GLRA3: variants seen among roughly 807,000 people sequenced by gnomAD.
GLRA3 encodes the protein glycine receptor alpha 3, also known as glycine receptor subunit alpha-3.
A neutral mutation model predicts 60.4 loss-of-function variants in GLRA3; 44 were observed. That is an observed-to-expected ratio of 0.73 (90% CI 0.57 to 0.94). GLRA3 has a LOEUF of 0.94. Among genes scored for constraint, GLRA3 ranks in the 40% least tolerant of loss-of-function variants. The pLI is 0.00. For synonymous variants in GLRA3, 223 were observed against 192.9 expected (o/e 1.16, Z -1.29); for missense variants, 508 against 564.6 (o/e 0.90, Z 1.02).
intron 2 of GLRA3, among the ~76,000 whole-genome samples, chr4:174,774,762 T>C (rs1738526639): frequency 6.6e-6 from 1 of 152,208 alleles, no homozygotes; most frequent in Admixed American, 6.5e-5. Context: ...CTGAATACTT[T>C]TATAATAAAT....
intron 5 of GLRA3, among the ~76,000 whole-genome samples, chr4:174,683,374 G>A (rs946803627): frequency 2.0e-5 from 3 of 149,862 alleles, no homozygotes; most frequent in Non-Finnish European, 3.0e-5. Flanking sequence ...TTTTTGAGAC[G>A]GAGTCTCACT....
At chr4:174,807,329 C>G (rs1429716352) in intron 1 of GLRA3, among the ~76,000 whole-genome samples, 1 of 151,920 alleles carries the variant, frequency 6.6e-6, no homozygotes, top group African/African-American at 2.4e-5. Context: ...TATTTTCTTT[C>G]CCTTGCAGTG....
chr4:174,816,386 T>C (rs1430931948), intron 1 of GLRA3, among the ~76,000 whole-genome samples: 2 of 152,158 alleles, frequency 1.3e-5, no homozygotes, highest in East Asian at 1.9e-4. Flanking sequence ...TGCCCCAGAA[T>C]TCTAGCCATC....
chr4:174,687,900 T>A (rs994331964), intron 5 of GLRA3, among the ~76,000 whole-genome samples: 85 of 152,124 alleles, frequency 5.6e-4, no homozygotes, highest in African/African-American at 2.0e-3. Context: ...AGTTTTAATT[T>A]AAAAGAGTAG....
chr4:174,814,373 G>A lies in GLRA3; in HGVS notation c.71+14368C>T, dbSNP rs528259725. Among the ~76,000 whole-genome samples, 18 of 152,262 alleles carry A rather than the reference G, an allele frequency of 1.2e-4. No homozygotes were observed. In the East Asian group the frequency reaches 1.4e-3, roughly 11 times the overall value. ...CCCTGGAGTTTGGCCATCCCTGAGC[G>A]AAATTTTCTTCAAAGTTCCACTGTC... is the stretch of plus-strand genomic sequence containing the variant. On this transcript the variant is annotated intron_variant, in intron 1 of 9. Coordinates refer to ENST00000274093, the MANE Select transcript of GLRA3 (RefSeq NM_006529.4).
chr4:174,754,004 C>T (rs1250119825), intron 3 of GLRA3, among the ~76,000 whole-genome samples: 1 of 152,008 alleles, frequency 6.6e-6, no homozygotes, highest in East Asian at 1.9e-4. Context: ...TTCTCCTTGA[C>T]ATTTCCCTCC....
At chr4:174,679,727 G>A in intron 6 of GLRA3, among the ~76,000 whole-genome samples, 1 of 152,178 alleles carries the variant, frequency 6.6e-6, no homozygotes, top group African/African-American at 2.4e-5. Context: ...ATCATTTGTA[G>A]CAACATGGAT....
chr4:174,817,575 A>AT (rs1740559074), intron 1 of GLRA3, among the ~76,000 whole-genome samples: 1 of 152,186 alleles, frequency 6.6e-6, no homozygotes, highest in Non-Finnish European at 1.5e-5. Flanking sequence ...TGAATTTTAG[A>AT]AACAAAGATA....
chr4:174,800,718 A>G (rs771978698), intron 1 of GLRA3, among the ~76,000 whole-genome samples: 21 of 152,052 alleles, frequency 1.4e-4, no homozygotes, highest in Non-Finnish European at 2.9e-4. Context: ...CTCTCTGTAT[A>G]TAGACAGTGC....
chr4:174,738,342 A>G (rs1736882267), intron 3 of GLRA3, among the ~76,000 whole-genome samples: 1 of 152,242 alleles, frequency 6.6e-6, no homozygotes, highest in Admixed American at 6.5e-5. Context: ...GATATTTTCT[A>G]CTTGGGTAGA....
chr4:174,687,162 C>T (rs1162079076), intron 5 of GLRA3, among the ~76,000 whole-genome samples: 1 of 152,158 alleles, frequency 6.6e-6, no homozygotes, highest in Non-Finnish European at 1.5e-5. Flanking sequence ...CTAGGAGTTA[C>T]TGTATTTTTA....
chr4:174,811,599 T>C (rs1215527864), intron 1 of GLRA3, among the ~76,000 whole-genome samples: 4 of 152,208 alleles, frequency 2.6e-5, no homozygotes, highest in African/African-American at 9.6e-5. Context: ...TGGTTTTCAA[T>C]GTTGATATGT....
At chr4:174,740,897 GTTA>G (rs1031232343) in intron 3 of GLRA3, among the ~76,000 whole-genome samples, 12 of 152,152 alleles carry the variant, frequency 7.9e-5, no homozygotes, top group African/African-American at 2.9e-4. Context: ...CTTGACTTAA[GTTA>G]TTGTGTGTAT....
At chr4:174,678,840 AAAC>A (rs1734228610) in intron 6 of GLRA3, among the ~76,000 whole-genome samples, 1 of 152,234 alleles carries the variant, frequency 6.6e-6, no homozygotes, top group South Asian at 2.1e-4. Context: ...AAATGGAATA[AAAC>A]AAGAATAACT....
intron 1 of GLRA3, among the ~76,000 whole-genome samples, chr4:174,816,121 T>C (rs1027149819): frequency 1.3e-5 from 2 of 152,164 alleles, no homozygotes; most frequent in South Asian, 2.1e-4. Context: ...GTGTTTGTAG[T>C]TCTAATAAGC....
intron 7 of GLRA3, among the ~76,000 whole-genome samples, chr4:174,674,065 C>G (rs562899020): frequency 6.6e-6 from 1 of 152,310 alleles, no homozygotes; most frequent in East Asian, 1.9e-4. Context: ...TCATCATCTG[C>G]TGTGGACTAC....
chr4:174,792,457 C>A (rs1739391051), intron 1 of GLRA3, among the ~76,000 whole-genome samples: 1 of 151,984 alleles, frequency 6.6e-6, no homozygotes. Flanking sequence ...GGTAACAGAC[C>A]TTACCTCCAA....
At chr4:174,797,350 T>G (rs1169743980) in intron 1 of GLRA3, among the ~76,000 whole-genome samples, 1 of 152,192 alleles carries the variant, frequency 6.6e-6, no homozygotes, top group African/African-American at 2.4e-5. Context: ...CTTTTATTTA[T>G]GAATCTCCTC....
chr4:174,747,356 G>C (rs78847407), intron 3 of GLRA3, among the ~76,000 whole-genome samples: 2,403 of 152,258 alleles, frequency 0.016, 65 homozygotes, highest in African/African-American at 0.054. Context: ...GTTAGGAGAT[G>C]GGGTGGGGCG....
Sources: allele counts gnomAD v4.1 joint callset (sites outside exome capture counted in the v4.1 genomes callset), GRCh38; gene constraint gnomAD v4.1.1; transcripts MANE v1.5; gene names NCBI Gene and HGNC (gene_info 2026-07-23, HGNC 2026-07-21).